The following KAT6B variants were observed in gnomAD, a reference collection of about 807,000 sequenced individuals.
KAT6B encodes lysine acetyltransferase 6B, also known as histone acetyltransferase KAT6B.
Under a neutral mutation model 187.5 loss-of-function variants are expected in KAT6B, and 10 were observed. The ratio of observed to expected loss-of-function variants is 0.05; its 90% CI spans 0.03 to 0.09. The LOEUF (loss-of-function observed/expected upper bound fraction) is 0.09, where lower values mean the gene tolerates loss of function less well. Among genes scored for constraint, KAT6B ranks in the 10% least tolerant of loss-of-function variants. The pLI, the probability that KAT6B is intolerant of heterozygous loss-of-function variation, is 1.00. For synonymous variants in KAT6B, 861 were observed against 926.8 expected (o/e 0.93, Z 1.29); for missense variants, 1,952 against 2,558.9 (o/e 0.76, Z 5.12).
intron 3 of KAT6B, among the ~76,000 whole-genome samples, chr10:74,942,501 C>T (rs1049882653): frequency 7.9e-5 from 12 of 152,098 alleles, no homozygotes; most frequent in Admixed American, 5.9e-4. Flanking sequence ...CATGGTGGCT[C>T]ATACTTGTAA....
intron 16 of KAT6B, among the ~76,000 whole-genome samples, chr10:75,022,714 T>C (rs986152946): frequency 1.3e-5 from 2 of 152,172 alleles, no homozygotes; most frequent in Non-Finnish European, 2.9e-5. Flanking sequence ...GCAGATCACC[T>C]GAGGTCAGGA....
intron 4 of KAT6B, among the ~76,000 whole-genome samples, chr10:74,969,290 A>G (rs1394648308): frequency 6.6e-6 from 1 of 152,160 alleles, no homozygotes; most frequent in East Asian, 1.9e-4. Flanking sequence ...AACTCCCCTC[A>G]GTGTGTGGCA....
intron 3 of KAT6B, among the ~76,000 whole-genome samples, chr10:74,959,167 T>C (rs1441464905): frequency 6.6e-6 from 1 of 152,210 alleles, no homozygotes; most frequent in Non-Finnish European, 1.5e-5. Context: ...TTGTTAATAA[T>C]GACCTTTTCA....
chr10:74,877,428 T>C (rs1175670379), intron 3 of KAT6B, among the ~76,000 whole-genome samples: 2 of 152,150 alleles, frequency 1.3e-5, no homozygotes, highest in Non-Finnish European at 2.9e-5. Flanking sequence ...AAAAAATATT[T>C]TATTGTTTTG....
intron 1 of KAT6B, among the ~76,000 whole-genome samples, chr10:74,830,772 T>G (rs866299253): frequency 1.1e-4 from 2 of 17,586 alleles, no homozygotes; most frequent in East Asian, 1.9e-3. Context: ...ATATATATTT[T>G]TTTTTTTTTT....
chr10:74,989,448 G>A (rs1221958046), intron 13 of KAT6B, among the ~76,000 whole-genome samples: 7 of 152,168 alleles, frequency 4.6e-5, no homozygotes, highest in Non-Finnish European at 8.8e-5. Context: ...TAAAGCTAAA[G>A]GAAGTATTAT....
At chr10:74,965,244 C>A (rs1282231236) in intron 4 of KAT6B, among the ~76,000 whole-genome samples, 2 of 152,238 alleles carry the variant, frequency 1.3e-5, no homozygotes, top group Non-Finnish European at 2.9e-5. Context: ...TTCATGCCAT[C>A]TTCCCTGCTC....
chr10:74,988,761 T>C (rs554346103), intron 12 of KAT6B, among the ~76,000 whole-genome samples: 1 of 152,380 alleles, frequency 6.6e-6, no homozygotes, highest in South Asian at 2.1e-4. Context: ...TTGGTTCATA[T>C]ATTTCCTTGG....
chr10:75,025,355 T>G (rs749185833), intron 17 of KAT6B, 106 bp downstream of exon 17: 9 of 1,126,816 alleles, frequency 8.0e-6, no homozygotes, highest in Non-Finnish European at 1.2e-5. Context: ...TGCGAAGTGG[T>G]GCTGATGCAC....
intron 3 of KAT6B, among the ~76,000 whole-genome samples, chr10:74,898,460 T>C (rs1354252574): frequency 6.6e-6 from 1 of 152,196 alleles, no homozygotes; most frequent in Non-Finnish European, 1.5e-5. Context: ...ACAATTTTTT[T>C]TTTTTAAGGG....
intron 13 of KAT6B, among the ~76,000 whole-genome samples, chr10:75,013,253 T>G (rs1246513842): frequency 6.6e-6 from 1 of 152,142 alleles, no homozygotes; most frequent in Non-Finnish European, 1.5e-5. Context: ...TTCCTAAGGG[T>G]AGTCCTTGAA....
chr10:74,860,919 C>T (rs187652878), intron 3 of KAT6B, among the ~76,000 whole-genome samples: 16 of 152,298 alleles, frequency 1.1e-4, no homozygotes, highest in African/African-American at 3.6e-4. Context: ...GAGTGGATCA[C>T]CTGAGGTCAG....
chr10:74,950,488 C>G (rs1178031642), intron 3 of KAT6B, among the ~76,000 whole-genome samples: 1 of 152,142 alleles, frequency 6.6e-6, no homozygotes, highest in Admixed American at 6.5e-5. Flanking sequence ...GAAATCCCTA[C>G]TTTTAGAGTT....
At chr10:74,859,543 G>A (rs1348285656) in intron 3 of KAT6B, among the ~76,000 whole-genome samples, 1 of 152,118 alleles carries the variant, frequency 6.6e-6, no homozygotes, top group African/African-American at 2.4e-5. Flanking sequence ...TGAACTTGAG[G>A]TAACGAGCCT....
intron 3 of KAT6B, among the ~76,000 whole-genome samples, chr10:74,899,784 C>A (rs773180102): frequency 6.6e-6 from 1 of 152,092 alleles, no homozygotes; most frequent in Non-Finnish European, 1.5e-5. Context: ...TTGATACCAA[C>A]ATCATTATTT....
chr10:74,825,549 G>C (rs1464796969), upstream of KAT6B: 3 of 158,402 alleles, frequency 1.9e-5, no homozygotes, highest in Non-Finnish European at 4.1e-5. The surrounding 1 kb of genome is among the most constrained non-coding windows in gnomAD (Gnocchi z 5.0). Context: ...GGTCCCGGGC[G>C]GGGGGAGCGC....
At chr10:74,918,994 G>A (rs567090713) in intron 3 of KAT6B, among the ~76,000 whole-genome samples, 10 of 152,140 alleles carry the variant, frequency 6.6e-5, no homozygotes, top group Non-Finnish European at 1.0e-4. Flanking sequence ...GAGGCAGGTG[G>A]ATCACCAGAG....
chr10:74,857,038 G>T (rs1391908300), intron 3 of KAT6B, among the ~76,000 whole-genome samples: 1 of 152,194 alleles, frequency 6.6e-6, no homozygotes, highest in Non-Finnish European at 1.5e-5. Flanking sequence ...GGTGGCATCT[G>T]CTAGATCTTC....
At chr10:74,917,580 A>C (rs1208223644) in intron 3 of KAT6B, among the ~76,000 whole-genome samples, 1 of 152,248 alleles carries the variant, frequency 6.6e-6, no homozygotes, top group South Asian at 2.1e-4. Flanking sequence ...TGAATGGATG[A>C]GACATGGCCC....
Sources: gnomAD v4.1 joint callset for allele counts (sites outside exome capture counted in the v4.1 genomes callset) on GRCh38, gnomAD v4.1.1 for gene constraint, Gnocchi (gnomAD v3.1) non-coding constraint, MANE v1.5 for transcripts, NCBI Gene and HGNC (gene_info 2026-07-23, HGNC 2026-07-21) for gene names.